SCD: variants seen among roughly 807,000 people sequenced by gnomAD.
The protein encoded by SCD is stearoyl-CoA desaturase, also known as acyl-CoA desaturase.
SCD carries 4 observed loss-of-function variants against 35.7 expected under a neutral mutation model. The observed-to-expected ratio is 0.11, with a 90% CI of 0.06 to 0.26. SCD has a LOEUF of 0.26. Among genes scored for constraint, SCD ranks in the 10% least tolerant of loss-of-function variants. The probability of loss-of-function intolerance (pLI) is 1.00; values close to 1 mark genes in which losing one functional copy is unlikely to be tolerated. For missense variants in SCD, 282 were observed against 460.7 expected (o/e 0.61, Z 3.55); for synonymous variants, 150 against 170.2 (o/e 0.88, Z 0.92).
Position 100,354,566 on chromosome 10 carries a change from A to G in SCD, c.581A>G (p.Lys194Arg). The G allele has an allele frequency of 6.2e-7, 1 of 1,614,194 alleles. No homozygotes were observed. Among genetic ancestry groups the G allele is most frequent in the Non-Finnish European group, 8.5e-7 (1 of 1,180,036 alleles). ...WLLVRKHPAVKEKGSTLDLSD... is the reference protein window; with the variant it reads ...WLLVRKHPAVREKGSTLDLSD... ...CTTGTGCGCAAACACCCAGCTGTCAAAGAGAAGGGGAGTACGCTAGACTTG... is the reference window on the plus strand; with the variant it reads ...CTTGTGCGCAAACACCCAGCTGTCAGAGAGAAGGGGAGTACGCTAGACTTG... Residue 194 changes from lysine (K) to arginine (R), a missense_variant, in exon 4 of 6, where the codon AAA becomes AGA. Around this residue, in one of 2 missense-constraint regions of SCD, gnomAD observed 205 missense variants for 372.3 expected, o/e 0.55. Transcript: ENST00000370355.
chr10:100,360,674 T>G, intron 5 of SCD, 60 bp from the exon 6 acceptor site: 1 of 1,455,046 alleles, frequency 6.9e-7, no homozygotes, highest in Middle Eastern at 1.7e-4. Flanking sequence ...CTAACTGGTG[T>G]GCACAAATCA....
rs1850000288 is a variant in SCD, at chr10:100,362,551, C to G, written c.*1618C>G. ...CTCTTCCCTGAACGTTTTCTTCTTT[C>G]CCTGGACAGGCAGCCTCCTTTGTGT... On this transcript the variant is annotated 3_prime_UTR_variant, in exon 6 of 6. Coordinates refer to ENST00000370355, the MANE Select transcript of SCD (RefSeq NM_005063.5). The G allele has an allele frequency of 6.6e-6, 1 of 152,326 alleles. No individual in the cohort carries two copies. Among genetic ancestry groups the G allele is most frequent in the East Asian group, 1.9e-4 (1 of 5,202 alleles). 9.4% of individuals were successfully genotyped at this position (152,326 alleles called of 1,614,324 possible).
At chr10:100,351,745 A>G (rs925945898) in intron 2 of SCD, among the ~76,000 whole-genome samples, 1 of 152,160 alleles carries the variant, frequency 6.6e-6, no homozygotes, top group Admixed American at 6.5e-5. Context: ...AGCTCAAGAG[A>G]TCCTCCCACC....
At position 100,356,403 on chromosome 10, in the gene SCD, A is replaced by G; in HGVS notation, c.648-129A>G. The G allele has an allele frequency of 1.4e-6, 1 of 716,062 alleles. No individual in the cohort carries two copies. Among genetic ancestry groups the G allele is most frequent in the Non-Finnish European group, 2.4e-6 (1 of 415,534 alleles). The allele number at this position is 716,062 out of a possible 1,614,324, so 44.4% of individuals were successfully genotyped here. ...AAAACAAACAAAAATAAATAAAACA[A>G]TGAACTTAGAGTCAGACAAGCAATT... is the stretch of plus-strand genomic sequence containing the variant. On this transcript the variant is annotated intron_variant, in intron 4 of 5. Coordinates refer to ENST00000370355, the MANE Select transcript of SCD (RefSeq NM_005063.5). This position sits in a 1 kb window ranked among gnomAD's most constrained non-coding sequence, Gnocchi z 4.1.
intron 5 of SCD, among the ~76,000 whole-genome samples, chr10:100,359,111 C>T (rs1014140299): frequency 2.6e-5 from 4 of 152,046 alleles, no homozygotes; most frequent in African/African-American, 4.8e-5. Context: ...TTTCCTGTAT[C>T]GCAAATGGAT....
rs1461976337 is a variant in SCD, at chr10:100,361,188, G to T, written c.*255G>T. ...TCCTCCTTTTCACTTTATTGCTATC[G>T]CCCTCCTTTCCCTTATTGCCTCCCA... is the stretch of plus-strand genomic sequence containing the variant. On this transcript the variant is annotated 3_prime_UTR_variant, in exon 6 of 6. Coordinates refer to ENST00000370355, the MANE Select transcript of SCD (RefSeq NM_005063.5). 3 of 470,746 alleles carry T rather than the reference G, an allele frequency of 6.4e-6. No individual in the cohort carries two copies. Among genetic ancestry groups the T allele is most frequent in the Middle Eastern group, 1.2e-3 (2 of 1,730 alleles). The allele number at this position is 470,746 out of a possible 1,614,324, so 29.2% of individuals were successfully genotyped here. A position where few individuals can be genotyped will look rare whatever the true frequency, so the allele number is the denominator to read the frequency against.
At chr10:100,360,022 C>G (rs1337793407) in intron 5 of SCD, among the ~76,000 whole-genome samples, 1 of 152,184 alleles carries the variant, frequency 6.6e-6, no homozygotes, top group Non-Finnish European at 1.5e-5. Flanking sequence ...GCACCTCCCC[C>G]ACACCAGGGT....
intron 5 of SCD, among the ~76,000 whole-genome samples, chr10:100,357,131 C>T (rs1398493056): frequency 1.3e-5 from 2 of 152,158 alleles, no homozygotes; most frequent in Non-Finnish European, 2.9e-5. Context: ...CTGGCCAACA[C>T]GGTGAAACCC....
intron 3 of SCD, 139 bp from the exon 4 acceptor site, chr10:100,354,288 T>C (rs1328947131): frequency 2.7e-6 from 2 of 737,946 alleles, no homozygotes; most frequent in South Asian, 1.8e-5. Flanking sequence ...GGCAACTCCA[T>C]GACTCCTTTG....
At chr10:100,349,810 A>G (rs143554743) in intron 2 of SCD, among the ~76,000 whole-genome samples, 10 of 152,076 alleles carry the variant, frequency 6.6e-5, no homozygotes, top group African/African-American at 2.4e-4. Context: ...CCCTCTGAGG[A>G]TCCAGCAGAA....
chr10:100,358,812 C>T (rs1849959385), intron 5 of SCD, among the ~76,000 whole-genome samples: 1 of 151,392 alleles, frequency 6.6e-6, no homozygotes, highest in African/African-American at 2.4e-5. Context: ...CCTGTAGTCC[C>T]AGCTACTCAG....
chr10:100,356,447 GCCCATCCCCT>G lies in SCD; in HGVS notation c.648-80_648-71del. Reference sequence around the variant, plus strand: ...AGCAATTCAACATGGAAGAAAGACAGCCCATCCCCTCCCAATTAGTGTGGAAGATCCATGT... The same window carrying G: ...AGCAATTCAACATGGAAGAAAGACAGCCCAATTAGTGTGGAAGATCCATGT... On this transcript the variant is annotated intron_variant, in intron 4 of 5. Transcript: ENST00000370355. This position sits in a 1 kb window ranked among gnomAD's most constrained non-coding sequence, Gnocchi z 4.1. The G allele has an allele frequency of 1.1e-6, 1 of 905,142 alleles. No homozygotes were observed. The highest frequency in any genetic ancestry group is 1.8e-6 in the Non-Finnish European group (1 of 561,306). The allele number at this position is 905,142 out of a possible 1,614,324, so 56.1% of individuals were successfully genotyped here. A position where few individuals can be genotyped will look rare whatever the true frequency, so the allele number is the denominator to read the frequency against.
At chr10:100,348,596 T>C (rs1231598307) in intron 2 of SCD, among the ~76,000 whole-genome samples, 1 of 152,180 alleles carries the variant, frequency 6.6e-6, no homozygotes, top group East Asian at 1.9e-4. Context: ...TGTGCTGTGC[T>C]GGAGAGTCAG....
At chr10:100,355,128 T>C (rs1425382212) in intron 4 of SCD, among the ~76,000 whole-genome samples, 1 of 152,200 alleles carries the variant, frequency 6.6e-6, no homozygotes, top group Non-Finnish European at 1.5e-5. Flanking sequence ...TCACTCACTA[T>C]ATTGCCCAGG....
In SCD at chr10:100,364,196, G is replaced by T. The variant is rs1850018190; in HGVS notation, c.*3263G>T. On this transcript the variant is annotated 3_prime_UTR_variant, in exon 6 of 6. Coordinates refer to ENST00000370355, the MANE Select transcript of SCD (RefSeq NM_005063.5). The stretch of plus-strand genomic sequence containing the variant: ...TTTCTCCTTGGTTTGCTAGTATCTT[G>T]GGTGTATTCTCTGTAAGTGTAGCTC... 1 of 150,502 alleles carries T rather than the reference G, an allele frequency of 6.6e-6. No individual in the cohort carries two copies. The highest frequency in any genetic ancestry group is 6.6e-5 in the Admixed American group (1 of 15,084). The allele number at this position is 150,502 out of a possible 1,614,324, so 9.3% of individuals were successfully genotyped here. A position where few individuals can be genotyped will look rare whatever the true frequency, so the allele number is the denominator to read the frequency against.
At chr10:100,354,352 G>A (rs1849905491) in intron 3 of SCD, 75 bp from the exon 4 acceptor site, 1 of 1,349,942 alleles carries the variant, frequency 7.4e-7, no homozygotes, top group Non-Finnish European at 1.1e-6. Context: ...TTGGGCTCTT[G>A]ATACCTGTCC....
chr10:100,349,415 C>A (rs1043804011), intron 2 of SCD, among the ~76,000 whole-genome samples: 31 of 152,342 alleles, frequency 2.0e-4, no homozygotes, highest in African/African-American at 7.5e-4. Context: ...TGAGCCAGGA[C>A]TTCTGGTGTG....
chr10:100,352,616 C>T lies in SCD; in HGVS notation c.441+120C>T. ...GACAGCCATTTCACTTTCCTCTCTCCTGTAGTCACCTCAAGTTCCAGTTCA... is the reference window on the plus strand; with the variant it reads ...GACAGCCATTTCACTTTCCTCTCTCTTGTAGTCACCTCAAGTTCCAGTTCA... On this transcript the variant is annotated intron_variant, in intron 3 of 5. Coordinates refer to ENST00000370355, the MANE Select transcript of SCD (RefSeq NM_005063.5). This position sits in a 1 kb window ranked among gnomAD's most constrained non-coding sequence, Gnocchi z 4.2. The T allele has an allele frequency of 3.3e-6, 3 of 912,484 alleles. No homozygotes were observed. Among genetic ancestry groups the T allele is most frequent in the Non-Finnish European group, 5.1e-6 (3 of 585,628 alleles). The allele number at this position is 912,484 out of a possible 1,614,324, so 56.5% of individuals were successfully genotyped here. A position where few individuals can be genotyped will look rare whatever the true frequency, so the allele number is the denominator to read the frequency against.
At chr10:100,350,219 C>A (rs1849855950) in intron 2 of SCD, among the ~76,000 whole-genome samples, 1 of 151,994 alleles carries the variant, frequency 6.6e-6, no homozygotes, top group South Asian at 2.1e-4. Context: ...GTGGGGATAT[C>A]AGAACTCCTC....
Sources: gnomAD v4.1 joint callset for allele counts (sites outside exome capture counted in the v4.1 genomes callset) on GRCh38, gnomAD v4.1.1 for gene constraint, gnomAD v4.1.1 regional missense constraint, Gnocchi (gnomAD v3.1) non-coding constraint, MANE v1.5 for transcripts, NCBI Gene and HGNC (gene_info 2026-07-23, HGNC 2026-07-21) for gene names.